ZNF490: variants seen among roughly 807,000 people sequenced by gnomAD.
ZNF490 encodes zinc finger protein 490.
A neutral mutation model predicts 17.7 loss-of-function variants in ZNF490; 11 were observed. That is an observed-to-expected ratio of 0.62 (90% confidence interval 0.39 to 1.03). The LOEUF (loss-of-function observed/expected upper bound fraction) is 1.03, where lower values mean the gene tolerates loss of function less well. Among genes scored for constraint, ZNF490 ranks in the 50% least tolerant of loss-of-function variants. The pLI is 0.00. For missense variants in ZNF490, 542 were observed against 643.4 expected (o/e 0.84, Z 1.71); for synonymous variants, 222 against 216.1 (o/e 1.03, Z -0.24).
chr19:12,582,948 A>G, intron 3 of ZNF490, 38 bp from the exon 4 acceptor site: 1 of 1,512,228 alleles, frequency 6.6e-7, no homozygotes, highest in South Asian at 1.2e-5. Flanking sequence ...ATAAATTATT[A>G]GAAATTATAG....
intron 2 of ZNF490, among the ~76,000 whole-genome samples, chr19:12,591,427 T>C (rs1279583252): frequency 2.6e-5 from 4 of 151,884 alleles, no homozygotes; most frequent in Non-Finnish European, 5.9e-5. Flanking sequence ...GGAAAGACCA[T>C]GTTAAGAAAA....
At chr19:12,609,126 T>A in intron 2 of ZNF490, 32 bp downstream of exon 2, 2 of 1,611,952 alleles carry the variant, frequency 1.2e-6, no homozygotes, top group Non-Finnish European at 1.7e-6. Flanking sequence ...ACAAGGAAGG[T>A]AGCCACGCTG....
intron 2 of ZNF490, among the ~76,000 whole-genome samples, chr19:12,594,588 G>T (rs1052701462): frequency 6.6e-6 from 1 of 152,114 alleles, no homozygotes; most frequent in Non-Finnish European, 1.5e-5. Context: ...GCGATATCCG[G>T]GCAATGATGA....
intron 3 of ZNF490, among the ~76,000 whole-genome samples, 163 bp downstream of exon 3, chr19:12,583,267 C>T (rs890707495): frequency 1.3e-5 from 2 of 152,076 alleles, no homozygotes; most frequent in African/African-American, 4.8e-5. Context: ...TCTCAGACTC[C>T]TGACCTCTTA....
chr19:12,592,107 G>A (rs575988245), intron 2 of ZNF490, among the ~76,000 whole-genome samples: 16 of 152,330 alleles, frequency 1.1e-4, no homozygotes, highest in South Asian at 6.2e-4. Context: ...GGAGGCCAAG[G>A]AGGGCAGACC....
chr19:12,580,176 C>T lies in ZNF490; in HGVS notation c.*309G>A, dbSNP rs1054221942. 9.2e-6 allele frequency: 10 copies of T among 1,092,150 alleles called. No individual in the cohort carries two copies. In the African/African-American group the frequency reaches 1.5e-4, roughly 16 times the overall value. 67.7% of individuals were successfully genotyped at this position (1,092,150 alleles called of 1,614,324 possible). On this transcript the variant is annotated 3_prime_UTR_variant, in exon 5 of 5. Transcript: ENST00000311437. ...GGATATAGAATTTTCTTTATAGTTT[C>T]TCTCCAGTATATATTCTCAGGTGTC...
intron 3 of ZNF490, 50 bp downstream of exon 3, chr19:12,583,380 G>C: frequency 6.6e-7 from 1 of 1,523,770 alleles, no homozygotes; most frequent in Non-Finnish European, 8.9e-7. Context: ...TGTTGTGCAA[G>C]AAACACCTGT....
chr19:12,583,418 T>G lies in ZNF490; in HGVS notation c.289+12A>C. 2 of 1,578,876 alleles carry G rather than the reference T, an allele frequency of 1.3e-6. No individual in the cohort carries two copies. The highest frequency in any genetic ancestry group is 1.7e-6 in the Non-Finnish European group (2 of 1,161,076). On this transcript the variant is annotated intron_variant, in intron 3 of 4. Transcript: ENST00000311437. ...CCTCCTTAATTAAGTAGAGAAATTATGTCACCCTTACCTATACAGGCCAGG... is the reference window on the plus strand; with the variant it reads ...CCTCCTTAATTAAGTAGAGAAATTAGGTCACCCTTACCTATACAGGCCAGG...
In ZNF490 at chr19:12,580,675, C is replaced by G. The variant is rs1045891744; in HGVS notation, c.1400G>C (p.Ser467Thr). Residue 467 changes from serine (S) to threonine (T), a missense_variant, in exon 5 of 5, where the codon AGT becomes ACT. Transcript: ENST00000311437. ...YFSHLRRHER[S>T]HTGVKPCECK... The stretch of plus-strand genomic sequence containing the variant: ...CTCACATGGTTTCACTCCAGTGTGA[C>G]TTCTTTCGTGCCTTCGAAGGTGACT... 6.2e-7 allele frequency: 1 copy of G among 1,614,096 alleles called. No individual in the cohort carries two copies. Among genetic ancestry groups the G allele is most frequent in the Non-Finnish European group, 8.5e-7 (1 of 1,179,992 alleles).
intron 2 of ZNF490, among the ~76,000 whole-genome samples, chr19:12,607,050 T>C (rs2023076538): frequency 6.6e-6 from 1 of 152,028 alleles, no homozygotes; most frequent in African/African-American, 2.4e-5. Flanking sequence ...TCATAAGTAA[T>C]AATGAAATTG....
At chr19:12,593,494 C>T (rs759275914) in intron 2 of ZNF490, among the ~76,000 whole-genome samples, 5 of 152,112 alleles carry the variant, frequency 3.3e-5, no homozygotes, top group Non-Finnish European at 1.5e-5. Flanking sequence ...AAGTGATCCA[C>T]CCGCCTCAGC....
rs2022712543 is a variant in ZNF490, at chr19:12,580,399, AT to A, written c.*85del. ...CTGAAGGCTTAATCACACCGTTTACATTCCTTGAATTTCTCTCCAGCGTAAG... is the reference window on the plus strand; with the variant it reads ...CTGAAGGCTTAATCACACCGTTTACATCCTTGAATTTCTCTCCAGCGTAAG... On this transcript the variant is annotated 3_prime_UTR_variant, in exon 5 of 5. Transcript: ENST00000311437. The A allele has an allele frequency of 2.7e-6, 4 of 1,507,092 alleles. No homozygotes were observed. The highest frequency in any genetic ancestry group is 2.3e-5 in the Admixed American group (1 of 44,146). The allele number at this position is 1,507,092 out of a possible 1,614,324, so 93.4% of individuals were successfully genotyped here. A position where few individuals can be genotyped will look rare whatever the true frequency, so the allele number is the denominator to read the frequency against.
chr19:12,583,482 C>T lies in ZNF490; in HGVS notation c.237G>A (p.Arg79=), dbSNP rs771320067. 1 of 1,607,176 alleles carries T rather than the reference C, an allele frequency of 6.2e-7. No homozygotes were observed. Among genetic ancestry groups the T allele is most frequent in the African/African-American group, 1.3e-5 (1 of 74,658 alleles). ...CCCGCATCACATCTCTGTAGATATT[C>T]CTCTGGCCAGGATCCAGCAAAGCCC... ...EEWALLDPGQ[R]NIYRDVMRAT... Residue 79 remains arginine, a synonymous_variant, in exon 3 of 5, where the codon AGG becomes AGA. Coordinates refer to ENST00000311437, the MANE Select transcript of ZNF490 (RefSeq NM_020714.3).
chr19:12,580,513 T>G lies in ZNF490; in HGVS notation c.1562A>C (p.Glu521Ala), dbSNP rs374577669. The G allele has an allele frequency of 3.0e-5, 49 of 1,606,764 alleles. No homozygotes were observed. Among genetic ancestry groups the G allele is most frequent in the Non-Finnish European group, 3.6e-5 (42 of 1,176,424 alleles). The change falls in exon 5 of 5, where the codon GAA becomes GCA. Residue 521 changes from glutamate to alanine, a missense_variant. Physicochemically the swap from Glu to Ala is moderately radical, Grantham distance 107. Transcript: ENST00000311437. ...GGGCTTCTGTCTACTATGAGTCCTTTCGTGCACGTGCAAAGACTTTGAGTA... is the reference window on the plus strand; with the variant it reads ...GGGCTTCTGTCTACTATGAGTCCTTGCGTGCACGTGCAAAGACTTTGAGTA... ...FSYSKSLHVH[E>A]RTHSRQKP is the part of the protein sequence containing the mutation.
In ZNF490 at chr19:12,585,927, G is replaced by A. The variant is rs575708728; in HGVS notation, c.163-2371C>T. On this transcript the variant is annotated intron_variant, in intron 2 of 4. Coordinates refer to ENST00000311437, the MANE Select transcript of ZNF490 (RefSeq NM_020714.3). Reference sequence around the variant, plus strand: ...GGATGGTGTCGAACTCCTACCTCAAGTAATTTGCCTGCCTTGGCCTCCCAA... The same window carrying A: ...GGATGGTGTCGAACTCCTACCTCAAATAATTTGCCTGCCTTGGCCTCCCAA... Among the ~76,000 whole-genome samples the A allele has an allele frequency of 8.7e-5, 8 of 91,908 alleles. 3 individuals are homozygous for A. The South Asian group carries it at 2.5e-3, about 28-fold the overall frequency. The allele number at this position is 91,908 out of a possible 152,430, so 60.3% of individuals were successfully genotyped here.
rs979079027 is a variant in ZNF490, at chr19:12,578,098, CAAG to C, written c.*2384_*2386del. 153 of 985,288 alleles carry C rather than the reference CAAG, an allele frequency of 1.6e-4. No homozygotes were observed. Among genetic ancestry groups the C allele is most frequent in the Admixed American group, 6.8e-4 (11 of 16,232 alleles). 61.0% of individuals were successfully genotyped at this position (985,288 alleles called of 1,614,324 possible). ...GAGCGCTGCAGGGTGGGTCCTTTTC[CAAG>C]AAGAGCTAAGTGCTAGTCTTAGCGG... On this transcript the variant is annotated 3_prime_UTR_variant, in exon 5 of 5. Transcript: ENST00000311437.
Position 12,579,525 on chromosome 19 carries a change from T to G in ZNF490, c.*960A>C, listed in dbSNP as rs1403420101. On this transcript the variant is annotated 3_prime_UTR_variant, in exon 5 of 5. Transcript: ENST00000311437. ...TCCAGCCTAGGCAACAGAGTAAGAC[T>G]CCAGCTCAAAAAAAAAAAAAAAAAA... 7.7e-5 allele frequency: 9 copies of G among 116,642 alleles called. No individual in the cohort carries two copies. Among genetic ancestry groups the G allele is most frequent in the African/African-American group, 3.0e-4 (9 of 29,594 alleles). 7.2% of individuals were successfully genotyped at this position (116,642 alleles called of 1,614,324 possible). A position where few individuals can be genotyped will look rare whatever the true frequency, so the allele number is the denominator to read the frequency against.
At chr19:12,598,265 C>T (rs2022959091) in intron 2 of ZNF490, among the ~76,000 whole-genome samples, 2 of 151,874 alleles carry the variant, frequency 1.3e-5, no homozygotes, top group Admixed American at 1.3e-4. Context: ...GCAACAGAAG[C>T]TACTCAGGAT....
chr19:12,576,488 G>A lies in ZNF490; in HGVS notation c.*3997C>T, dbSNP rs1568275791. Among the ~76,000 whole-genome samples the A allele has an allele frequency of 2.0e-5, 3 of 151,812 alleles. No individual in the cohort carries two copies. The highest frequency in any genetic ancestry group is 2.0e-4 in the Admixed American group (3 of 15,194). On this transcript the variant is annotated 3_prime_UTR_variant, in exon 5 of 5. Transcript: ENST00000311437. ...GCCACTGCAGTCCAGCTTGGTGACA[G>A]AGCGAGACTGTGTCTCAAAAAAACA... is the stretch of plus-strand genomic sequence containing the variant.
Sources: allele counts gnomAD v4.1 joint callset (sites outside exome capture counted in the v4.1 genomes callset), GRCh38; gene constraint gnomAD v4.1.1; transcripts MANE v1.5; gene names NCBI Gene and HGNC (gene_info 2026-07-23, HGNC 2026-07-21).